The following KCNQ1 variants were observed in gnomAD, a reference collection of about 807,000 sequenced individuals.
KCNQ1 encodes the protein potassium voltage-gated channel subfamily KQT member 1.
In KCNQ1, 49 loss-of-function variants were observed where a neutral mutation model predicts 72.4. The observed-to-expected ratio is 0.68, with a 90% confidence interval of 0.54 to 0.86. The LOEUF is 0.86. Ranked by LOEUF, KCNQ1 falls within the 40% of genes least tolerant of loss-of-function variation. KCNQ1 has a pLI of 0.00. For missense variants in KCNQ1, 790 were observed against 945.1 expected (o/e 0.84, Z 2.15); for synonymous variants, 450 against 412.6 (o/e 1.09, Z -1.10).
At chr11:2,666,168 G>C (rs953668860) in intron 11 of KCNQ1, 1 of 398,544 alleles carries the variant, frequency 2.5e-6, no homozygotes, top group African/African-American at 2.1e-5. Context: ...GCCCCAGCTC[G>C]AGGTTAACAG....
chr11:2,489,091 T>C (rs1275893551), intron 1 of KCNQ1, among the ~76,000 whole-genome samples: 1 of 152,166 alleles, frequency 6.6e-6, no homozygotes, highest in African/African-American at 2.4e-5. Flanking sequence ...GAACCAAAAT[T>C]CAGATAAGCA....
At chr11:2,805,363 G>A (rs997209820) in intron 15 of KCNQ1, among the ~76,000 whole-genome samples, 13 of 152,142 alleles carry the variant, frequency 8.5e-5, no homozygotes, top group African/African-American at 2.4e-4. Flanking sequence ...GGAGAGGGAC[G>A]ACATTTTGCA....
At position 2,683,974 on chromosome 11, in the gene KCNQ1, T is replaced by C. The variant is rs990890326; in HGVS notation, c.1514+21893T>C. Reference sequence around the variant, plus strand: ...GACTGCTTTTACTTTTTTTTTTTTTTCATTTAGAAGAATTTCCTTGGCAAC... The same window carrying C: ...GACTGCTTTTACTTTTTTTTTTTTTCCATTTAGAAGAATTTCCTTGGCAAC... On this transcript the variant is annotated intron_variant, in intron 11 of 15. Coordinates refer to ENST00000155840, the MANE Select transcript of KCNQ1 (RefSeq NM_000218.3). The surrounding 1 kb of genome is among the most constrained non-coding windows in gnomAD (Gnocchi z 4.7). The C allele has an allele frequency of 1.0e-4, 41 of 398,204 alleles. No homozygotes were observed. The highest frequency in any genetic ancestry group is 1.6e-4 in the Non-Finnish European group (36 of 226,016). The allele number at this position is 398,204 out of a possible 1,614,324, so 24.7% of individuals were successfully genotyped here.
Position 2,627,379 on chromosome 11 carries a change from G to T in KCNQ1, c.1394-34582G>T. ...CCAAGTATAGAATATATTAACTATAGTCACCAATCTGGACGTTATGTCAAG... is the reference window on the plus strand; with the variant it reads ...CCAAGTATAGAATATATTAACTATATTCACCAATCTGGACGTTATGTCAAG... On this transcript the variant is annotated intron_variant, in intron 10 of 15. Coordinates refer to ENST00000155840, the MANE Select transcript of KCNQ1 (RefSeq NM_000218.3). The surrounding 1 kb of genome is among the most constrained non-coding windows in gnomAD (Gnocchi z 4.9). 1 of 398,386 alleles carries T rather than the reference G, an allele frequency of 2.5e-6. No homozygotes were observed. Among genetic ancestry groups the T allele is most frequent in the Non-Finnish European group, 4.4e-6 (1 of 226,008 alleles). The allele number at this position is 398,386 out of a possible 1,614,324, so 24.7% of individuals were successfully genotyped here. A position where few individuals can be genotyped will look rare whatever the true frequency, so the allele number is the denominator to read the frequency against.
intron 11 of KCNQ1, chr11:2,685,190 C>T (rs903106186): frequency 4.8e-5 from 19 of 398,642 alleles, no homozygotes; most frequent in African/African-American, 2.1e-4. Flanking sequence ...ATGCCCCCTT[C>T]GTGGGGATGG....
chr11:2,625,632 G>A, intron 10 of KCNQ1: 1 of 392,896 alleles, frequency 2.5e-6, no homozygotes, highest in Non-Finnish European at 4.4e-6. Context: ...GCTGAGTGCA[G>A]TGGTGCCATC....
rs933879666 is a variant in KCNQ1, at chr11:2,659,777, AT to A, written c.1394-2174del. On this transcript the variant is annotated intron_variant, in intron 10 of 15. Transcript: ENST00000155840. The surrounding 1 kb of genome is among the most constrained non-coding windows in gnomAD (Gnocchi z 4.3). ...AGTGGTTGGTATTGTCAGGTTTTGA[AT>A]TTTTTTTTTAATTTATGGAATTTCA... is the stretch of plus-strand genomic sequence containing the variant. 17 of 393,768 alleles carry A rather than the reference AT, an allele frequency of 4.3e-5. No individual in the cohort carries two copies. Among genetic ancestry groups the A allele is most frequent in the South Asian group, 3.9e-4 (3 of 7,742 alleles). 24.4% of individuals were successfully genotyped at this position (393,768 alleles called of 1,614,324 possible).
chr11:2,646,927 C>T (rs1057117980), intron 10 of KCNQ1: 3 of 398,394 alleles, frequency 7.5e-6, no homozygotes, highest in African/African-American at 6.2e-5. Flanking sequence ...AAGATTATGC[C>T]ATCTGCAAAG....
chr11:2,589,804 G>A (rs1848647564), intron 10 of KCNQ1, among the ~76,000 whole-genome samples: 1 of 152,180 alleles, frequency 6.6e-6, no homozygotes, highest in African/African-American at 2.4e-5. Flanking sequence ...CACTGCTCCA[G>A]GGCAGACCTG....
intron 1 of KCNQ1, among the ~76,000 whole-genome samples, chr11:2,504,407 A>G (rs1380489237): frequency 6.6e-6 from 1 of 152,172 alleles, no homozygotes; most frequent in African/African-American, 2.4e-5. Context: ...AAAACCTGGT[A>G]TTTGATAGCA....
intron 1 of KCNQ1, among the ~76,000 whole-genome samples, chr11:2,448,825 C>A (rs1846080687): frequency 6.6e-6 from 1 of 152,254 alleles, no homozygotes; most frequent in African/African-American, 2.4e-5. Flanking sequence ...ACATCGCAGA[C>A]CCGGCCCAGT....
chr11:2,590,982 T>C (rs1414809629), intron 10 of KCNQ1, among the ~76,000 whole-genome samples: 1 of 152,258 alleles, frequency 6.6e-6, no homozygotes, highest in African/African-American at 2.4e-5. Context: ...CCAAGTAATA[T>C]GATCCATTCC....
Position 2,478,954 on chromosome 11 carries a change from C to G in KCNQ1, c.386+33470C>G, listed in dbSNP as rs1052241685. Among the ~76,000 whole-genome samples the G allele has an allele frequency of 6.6e-6, 1 of 152,198 alleles. No individual in the cohort carries two copies. The highest frequency in any genetic ancestry group is 2.4e-5 in the African/African-American group (1 of 41,448). The stretch of plus-strand genomic sequence containing the variant: ...TTGAAATGGGAGTAATTGGCCAAAA[C>G]GAAGGGGCTAAAGGCCCCATGCAAG... On this transcript the variant is annotated intron_variant, in intron 1 of 15. Coordinates refer to ENST00000155840, the MANE Select transcript of KCNQ1 (RefSeq NM_000218.3). The surrounding 1 kb of genome is among the most constrained non-coding windows in gnomAD (Gnocchi z 4.0).
At chr11:2,837,786 G>GT (rs1475109294) in intron 15 of KCNQ1, among the ~76,000 whole-genome samples, 1 of 152,258 alleles carries the variant, frequency 6.6e-6, no homozygotes, top group Non-Finnish European at 1.5e-5. Flanking sequence ...GGGTCCTGAG[G>GT]TAGGAACCAG....
At position 2,473,958 on chromosome 11, in the gene KCNQ1, CG is replaced by C. The variant is rs1846531152; in HGVS notation, c.386+28478del. Reference sequence around the variant, plus strand: ...CGCAAAATAGGCCTGATGCCAGGAACGGGGCACTGCAGGGCCCTTGGGAGGG... The same window carrying C: ...CGCAAAATAGGCCTGATGCCAGGAACGGGCACTGCAGGGCCCTTGGGAGGG... On this transcript the variant is annotated intron_variant, in intron 1 of 15. Transcript: ENST00000155840. This position sits in a 1 kb window ranked among gnomAD's most constrained non-coding sequence, Gnocchi z 6.0. Among the ~76,000 whole-genome samples, 2 of 152,228 alleles carry C rather than the reference CG, an allele frequency of 1.3e-5. No individual in the cohort carries two copies. The highest frequency in any genetic ancestry group is 4.8e-5 in the African/African-American group (2 of 41,474).
intron 1 of KCNQ1, among the ~76,000 whole-genome samples, chr11:2,519,876 T>C (rs1447398759): frequency 6.6e-6 from 1 of 152,018 alleles, no homozygotes; most frequent in Non-Finnish European, 1.5e-5. Flanking sequence ...AGAGGCGTGA[T>C]TGCATTATCC....
chr11:2,618,800 C>G (rs1849115260), intron 10 of KCNQ1: 1 of 398,148 alleles, frequency 2.5e-6, no homozygotes, highest in African/African-American at 2.1e-5. Context: ...CAATATTATT[C>G]AGATTCATGA....
chr11:2,520,259 GCTTCTGTCTCCTCACCAGGA>G (rs1847358760), intron 1 of KCNQ1, among the ~76,000 whole-genome samples: 1 of 152,244 alleles, frequency 6.6e-6, no homozygotes, highest in Non-Finnish European at 1.5e-5. Flanking sequence ...CCTCACCAGG[GCTTCTGTCTCCTCACCAGGA>G]CTTCCATGAT....
chr11:2,830,824 G>C lies in KCNQ1; in HGVS notation c.1795-16943G>C, dbSNP rs902356533. ...GGGCCTTCCCCTCTCCCCATCATCA[G>C]GTAACCCAGCACAGGCTGGCCCAAC... is the stretch of plus-strand genomic sequence containing the variant. On this transcript the variant is annotated intron_variant, in intron 15 of 15. Transcript: ENST00000155840. The surrounding 1 kb of genome is among the most constrained non-coding windows in gnomAD (Gnocchi z 7.7). Among the ~76,000 whole-genome samples, 1 of 152,186 alleles carries C rather than the reference G, an allele frequency of 6.6e-6. No individual in the cohort carries two copies. The highest frequency in any genetic ancestry group is 2.4e-5 in the African/African-American group (1 of 41,448).
Sources: allele counts gnomAD v4.1 joint callset (sites outside exome capture counted in the v4.1 genomes callset), GRCh38; gene constraint gnomAD v4.1.1; non-coding constraint Gnocchi (gnomAD v3.1); transcripts MANE v1.5; gene names NCBI Gene and HGNC (gene_info 2026-07-23, HGNC 2026-07-21).